The following CC2D2A variants were observed in gnomAD, a reference collection of about 807,000 sequenced individuals.
CC2D2A encodes coiled-coil and C2 domain containing 2A, also known as coiled-coil and C2 domain-containing protein 2A.
In CC2D2A, 155 loss-of-function variants were observed where a neutral mutation model predicts 212.9. That is an observed-to-expected ratio of 0.73 (90% CI 0.64 to 0.83). The LOEUF (loss-of-function observed/expected upper bound fraction) is 0.83. Among genes scored for constraint, CC2D2A ranks in the 40% least tolerant of loss-of-function variants. The probability of loss-of-function intolerance (pLI) is 0.00; values close to 1 mark genes in which losing one functional copy is unlikely to be tolerated. For missense variants in CC2D2A, 1,856 were observed against 1,956.2 expected, an observed-to-expected ratio of 0.95 and a Z score of 0.97; for synonymous variants, 667 against 686.5, an observed-to-expected ratio of 0.97 and a Z score of 0.44.
intron 11 of CC2D2A, among the ~76,000 whole-genome samples, chr4:15,525,966 A>C (rs569732925): frequency 6.6e-6 from 1 of 152,244 alleles, no homozygotes; most frequent in East Asian, 1.9e-4. Context: ...AATATAGTCA[A>C]TTCATCCTGA....
At chr4:15,596,957 C>T (rs1204211779) in intron 34 of CC2D2A, among the ~76,000 whole-genome samples, 2 of 152,134 alleles carry the variant, frequency 1.3e-5, no homozygotes, top group Admixed American at 6.6e-5. Context: ...AGGGAGAAAG[C>T]ACAAGTTGCA....
chr4:15,593,788 TTCGTTCAA>T (rs1721208053), intron 33 of CC2D2A, among the ~76,000 whole-genome samples: 1 of 152,188 alleles, frequency 6.6e-6, no homozygotes, highest in South Asian at 2.1e-4. Context: ...TGCTAGCATG[TTCGTTCAA>T]GTCACTGTAG....
At chr4:15,530,190 C>G (rs1402608157) in intron 13 of CC2D2A, among the ~76,000 whole-genome samples, 1 of 152,128 alleles carries the variant, frequency 6.6e-6, no homozygotes, top group East Asian at 1.9e-4. Flanking sequence ...CCAAGATGGT[C>G]TAGATCTCCT....
chr4:15,541,061 C>T, intron 17 of CC2D2A, 47 bp downstream of exon 17: 2 of 1,448,864 alleles, frequency 1.4e-6, no homozygotes, highest in Non-Finnish European at 1.8e-6. Context: ...TGGCTCATGC[C>T]TGTACTTTGG....
At chr4:15,516,128 G>T in intron 10 of CC2D2A, 124 bp downstream of exon 10, 4 of 1,033,960 alleles carry the variant, frequency 3.9e-6, no homozygotes, top group South Asian at 3.3e-5. Context: ...CACAGAAAGT[G>T]GTTCATTTTT....
chr4:15,518,800 A>G (rs1560162231), intron 11 of CC2D2A, among the ~76,000 whole-genome samples: 1 of 152,180 alleles, frequency 6.6e-6, no homozygotes, highest in Admixed American at 6.5e-5. Flanking sequence ...TCTTTTAGTC[A>G]TGGCTGGAGT....
intron 17 of CC2D2A, among the ~76,000 whole-genome samples, chr4:15,541,638 C>T (rs1409614630): frequency 6.6e-6 from 1 of 152,102 alleles, no homozygotes. Context: ...CATATTTCAA[C>T]ATCACCCTCT....
chr4:15,490,875 G>A (rs968281647), intron 4 of CC2D2A, among the ~76,000 whole-genome samples: 7 of 152,076 alleles, frequency 4.6e-5, no homozygotes, highest in South Asian at 2.1e-4. Context: ...GTCCTGTTCT[G>A]TTCTGTTCTA....
chr4:15,565,969 A>G (rs944108619), intron 24 of CC2D2A, among the ~76,000 whole-genome samples: 1 of 152,208 alleles, frequency 6.6e-6, no homozygotes, highest in Non-Finnish European at 1.5e-5. Flanking sequence ...GAGCTTTTCT[A>G]TGGTACCTGT....
At position 15,567,427 on chromosome 4, in the gene CC2D2A, C is replaced by T. The variant is rs1437673943; in HGVS notation, c.3233C>T (p.Ala1078Val). The change falls in exon 25 of 37, where the codon GCT becomes GTT. Residue 1078 changes from alanine to valine, a missense_variant. Ala to Val is a moderately conservative substitution (Grantham distance 64, BLOSUM62 0). Transcript: ENST00000424120. Reference protein sequence around the residue: ...RSSRMFSEKHAASPSTYSPTH... With the variant: ...RSSRMFSEKHVASPSTYSPTH... ...TCAAGGATGTTCAGTGAAAAGCATG[C>T]TGCTTCCCCAAGCACGTACAGCCCA... 1.2e-6 allele frequency: 2 copies of T among 1,613,538 alleles called. No homozygotes were observed. The highest frequency in any genetic ancestry group is 8.5e-7 in the Non-Finnish European group (1 of 1,179,660).
intron 6 of CC2D2A, among the ~76,000 whole-genome samples, chr4:15,505,001 C>T (rs1243154118): frequency 1.3e-5 from 2 of 152,214 alleles, no homozygotes; most frequent in Non-Finnish European, 2.9e-5. Context: ...ACTCTCCAGA[C>T]CCCGCTTCCC....
At chr4:15,560,865 T>C (rs1403051456) in intron 23 of CC2D2A, among the ~76,000 whole-genome samples, 2 of 152,114 alleles carry the variant, frequency 1.3e-5, no homozygotes, top group Non-Finnish European at 2.9e-5. Flanking sequence ...CTCCCCTACT[T>C]CCAAATCAAC....
rs181410529 is a variant in CC2D2A at position 15,539,553 on chromosome 4, T to G, written c.2004-1284T>G. Among the ~76,000 whole-genome samples, 473 of 152,240 alleles carry G rather than the reference T, an allele frequency of 3.1e-3. 3 individuals are homozygous for G. Among genetic ancestry groups the G allele is most frequent in the African/African-American group, 0.011 (457 of 41,476 alleles). Reference sequence around the variant, plus strand: ...TCTGCTAATGTTCTAATGATTGATTTATTCTAATGATTGATTTATTTTAAA... The same window carrying G: ...TCTGCTAATGTTCTAATGATTGATTGATTCTAATGATTGATTTATTTTAAA... On this transcript the variant is annotated intron_variant, in intron 16 of 36. Transcript: ENST00000424120.
At chr4:15,550,123 A>C (rs1168210425) in intron 17 of CC2D2A, among the ~76,000 whole-genome samples, 3 of 152,200 alleles carry the variant, frequency 2.0e-5, no homozygotes, top group Admixed American at 2.0e-4. Flanking sequence ...AATGGAGCCA[A>C]GGGTCCAACT....
At chr4:15,581,574 G>A (rs1348408362) in intron 30 of CC2D2A, among the ~76,000 whole-genome samples, 1 of 152,182 alleles carries the variant, frequency 6.6e-6, no homozygotes, top group Non-Finnish European at 1.5e-5. Context: ...CTCAAATGCA[G>A]AGTTGGGACT....
chr4:15,588,700 T>C (rs1195270033), intron 32 of CC2D2A, among the ~76,000 whole-genome samples: 10 of 152,086 alleles, frequency 6.6e-5, no homozygotes, highest in Non-Finnish European at 1.2e-4. Flanking sequence ...AAAAGAACAC[T>C]GGGCTTGGAA....
At chr4:15,556,582 C>A (rs1719292206) in intron 20 of CC2D2A, among the ~76,000 whole-genome samples, 1 of 152,172 alleles carries the variant, frequency 6.6e-6, no homozygotes, top group Admixed American at 6.5e-5. Context: ...TGCTATGAAC[C>A]AGGATTGCCT....
intron 2 of CC2D2A, among the ~76,000 whole-genome samples, chr4:15,477,301 C>CAA (rs368935605): frequency 3.9e-4 from 34 of 86,704 alleles, no homozygotes; most frequent in East Asian, 7.3e-4. Flanking sequence ...GACTCCATCT[C>CAA]AAAAAAAAAA....
chr4:15,510,320 G>GT (rs1716499675), intron 7 of CC2D2A, 80 bp downstream of exon 7: 1 of 1,267,520 alleles, frequency 7.9e-7, no homozygotes. Flanking sequence ...TACAGGCCGG[G>GT]TGTGGTGGCT....
Sources: allele counts gnomAD v4.1 joint callset (sites outside exome capture counted in the v4.1 genomes callset), GRCh38; gene constraint gnomAD v4.1.1; transcripts MANE v1.5; gene names NCBI Gene and HGNC (gene_info 2026-07-23, HGNC 2026-07-21).